The following ACSS1 variants were observed in gnomAD, a reference collection of about 807,000 sequenced individuals.
ACSS1 encodes the protein acyl-CoA synthetase short chain family member 1.
ACSS1 carries 42 observed loss-of-function variants against 75.3 expected under a neutral mutation model. That is an observed-to-expected ratio of 0.56 (90% CI 0.44 to 0.72). The LOEUF (loss-of-function observed/expected upper bound fraction) is 0.72, where lower values mean the gene tolerates loss of function less well. Among genes scored for constraint, ACSS1 ranks in the 30% least tolerant of loss-of-function variants. The probability of loss-of-function intolerance (pLI) is 0.00; values close to 1 mark genes in which losing one functional copy is unlikely to be tolerated. For synonymous variants in ACSS1, 380 were observed against 376.8 expected (o/e 1.01, Z -0.10); for missense variants, 782 against 935.7 (o/e 0.84, Z 2.14).
rs753345922 is a variant in ACSS1 at position 25,020,033 on chromosome 20, G to A, written c.1223C>T (p.Ser408Phe). ...ACCTGACCCCAGGGTCCGCAGGGAG[G>A]AGCGATCATACTTCTTCACCCAGGC... The part of the protein sequence containing the change: ...GDAWVKKYDR[S>F]SLRTLGSVGE... The change falls in exon 7 of 14, where the codon TCC becomes TTC. Residue 408 changes from serine (S) to phenylalanine (F), a missense_variant. Ser to Phe is a radical substitution (Grantham distance 155). Coordinates refer to ENST00000323482, the MANE Select transcript of ACSS1 (RefSeq NM_032501.4). 3 of 1,614,236 alleles carry A rather than the reference G, an allele frequency of 1.9e-6. No homozygotes were observed. In the Admixed American group the frequency reaches 5.0e-5, roughly 27 times the overall value.
Position 25,022,079 on chromosome 20 carries a change from G to A in ACSS1, c.961-543C>T, listed in dbSNP as rs899427812. Among the ~76,000 whole-genome samples, 16 of 152,258 alleles carry A rather than the reference G, an allele frequency of 1.1e-4. No homozygotes were observed. In the East Asian group the frequency reaches 1.4e-3, roughly 13 times the overall value. On this transcript the variant is annotated intron_variant, in intron 5 of 13. Transcript: ENST00000323482. ...ACACATATCAACAATATTTTAGGCCGGACACGGTGGCTCACACCTGTAATT... is the reference window on the plus strand; with the variant it reads ...ACACATATCAACAATATTTTAGGCCAGACACGGTGGCTCACACCTGTAATT...
intron 2 of ACSS1, among the ~76,000 whole-genome samples, chr20:25,039,773 T>C (rs569214907): frequency 6.6e-6 from 1 of 152,252 alleles, no homozygotes; most frequent in Non-Finnish European, 1.5e-5. Flanking sequence ...AGAAGCTCTG[T>C]CCTCATTCCT....
chr20:25,032,740 G>T, intron 2 of ACSS1: 1 of 1,083,640 alleles, frequency 9.2e-7, no homozygotes, highest in Non-Finnish European at 1.1e-6. Flanking sequence ...AGGCCACCCG[G>T]GAAACCACAG....
chr20:25,049,211 G>T (rs73906063), intron 1 of ACSS1, among the ~76,000 whole-genome samples: 5,448 of 152,188 alleles, frequency 0.036, 348 homozygotes, highest in African/African-American at 0.12. Context: ...AAAAATAGAA[G>T]AAAATAAAAA....
intron 2 of ACSS1, among the ~76,000 whole-genome samples, chr20:25,043,614 G>T (rs562794880): frequency 6.6e-6 from 1 of 152,186 alleles, no homozygotes; most frequent in African/African-American, 2.4e-5. Context: ...TGCTTCTCTG[G>T]TCAGGGGTTT....
intron 2 of ACSS1, among the ~76,000 whole-genome samples, chr20:25,038,911 T>A (rs942959150): frequency 6.6e-6 from 1 of 152,152 alleles, no homozygotes; most frequent in Admixed American, 6.5e-5. Flanking sequence ...CCAGCCATGA[T>A]TGCCTGCCAC....
chr20:25,047,989 C>G (rs1028636312), intron 2 of ACSS1, 96 bp downstream of exon 2: 2 of 1,111,014 alleles, frequency 1.8e-6, no homozygotes, highest in African/African-American at 3.1e-5. Flanking sequence ...AATGCACTCC[C>G]TGAGACTCAG....
intron 7 of ACSS1, among the ~76,000 whole-genome samples, chr20:25,016,093 G>A (rs759633843): frequency 2.0e-5 from 3 of 152,154 alleles, no homozygotes; most frequent in Non-Finnish European, 2.9e-5. Flanking sequence ...GCAGAGGAAC[G>A]CCACATTGCA....
intron 2 of ACSS1, among the ~76,000 whole-genome samples, chr20:25,039,952 G>T (rs1009567743): frequency 6.6e-6 from 1 of 152,228 alleles, no homozygotes; most frequent in African/African-American, 2.4e-5. Flanking sequence ...TGGCAGCCCA[G>T]GACAAGAGCA....
At chr20:25,030,333 C>G (rs6037009) in intron 3 of ACSS1, among the ~76,000 whole-genome samples, 1 of 152,226 alleles carries the variant, frequency 6.6e-6, no homozygotes, top group South Asian at 2.1e-4. Flanking sequence ...CCCCCTTCAC[C>G]TGACTCCAGA....
chr20:25,016,080 C>T (rs1287141744), intron 7 of ACSS1, among the ~76,000 whole-genome samples: 2 of 152,178 alleles, frequency 1.3e-5, no homozygotes, highest in African/African-American at 2.4e-5. Flanking sequence ...ATGGCACGCT[C>T]CTGCAGAGGA....
intron 2 of ACSS1, among the ~76,000 whole-genome samples, chr20:25,041,350 A>G (rs1373640940): frequency 6.6e-6 from 1 of 151,998 alleles, no homozygotes; most frequent in Non-Finnish European, 1.5e-5. Flanking sequence ...CCTCCAGGCC[A>G]CACTCCCTCT....
intron 3 of ACSS1, among the ~76,000 whole-genome samples, chr20:25,029,136 T>C (rs371261886): frequency 6.6e-6 from 1 of 152,264 alleles, no homozygotes; most frequent in African/African-American, 2.4e-5. Flanking sequence ...ATATATCTGA[T>C]AGAGGTCTAA....
rs1418842743 is a variant in ACSS1, at chr20:25,015,242, CAGAA to C, written c.1247-16_1247-13del. ...GATGGGCTCTCCCACTGAAACCACA[CAGAA>C]AGAAAAAGATGTTAACAGGCTGCAA... On this transcript the variant is annotated splice_polypyrimidine_tract_variant and intron_variant, in intron 7 of 13. Coordinates refer to ENST00000323482, the MANE Select transcript of ACSS1 (RefSeq NM_032501.4). The C allele has an allele frequency of 1.3e-6, 2 of 1,593,224 alleles. No homozygotes were observed. Among genetic ancestry groups the C allele is most frequent in the East Asian group, 2.3e-5 (1 of 44,418 alleles).
Position 25,023,102 on chromosome 20 carries a change from A to T in ACSS1, c.808-10T>A. Reference sequence around the variant, plus strand: ...CCTCCTTGGCCATTTCCTGGCAGGGAGAAGAAACAAACAGCCCACCGAGGG... The same window carrying T: ...CCTCCTTGGCCATTTCCTGGCAGGGTGAAGAAACAAACAGCCCACCGAGGG... On this transcript the variant is annotated splice_polypyrimidine_tract_variant and intron_variant, in intron 4 of 13. Coordinates refer to ENST00000323482, the MANE Select transcript of ACSS1 (RefSeq NM_032501.4). 1 of 1,608,722 alleles carries T rather than the reference A, an allele frequency of 6.2e-7. No homozygotes were observed. The highest frequency in any genetic ancestry group is 8.5e-7 in the Non-Finnish European group (1 of 1,177,170).
In ACSS1 at chr20:25,009,324, G is replaced by C; in HGVS notation, c.1836C>G (p.Leu612=). The change falls in exon 13 of 14, where the codon CTC becomes CTG. Residue 612 remains leucine (L), a synonymous_variant. Coordinates refer to ENST00000323482, the MANE Select transcript of ACSS1 (RefSeq NM_032501.4). ...AGDSDVVVQE[L]KSMVATKIAK... is the part of the protein sequence containing the mutation. Reference sequence around the variant, plus strand: ...CGATCTTGGTGGCCACCATGGACTTGAGCTCCTGCACCACCACATCTGAGT... The same window carrying C: ...CGATCTTGGTGGCCACCATGGACTTCAGCTCCTGCACCACCACATCTGAGT... 1.9e-6 allele frequency: 3 copies of C among 1,614,176 alleles called. No homozygotes were observed. In the Middle Eastern group the frequency reaches 4.9e-4, roughly 266 times the overall value.
At chr20:25,049,707 G>A (rs1345291080) in intron 1 of ACSS1, among the ~76,000 whole-genome samples, 1 of 152,030 alleles carries the variant, frequency 6.6e-6, no homozygotes, top group Non-Finnish European at 1.5e-5. Flanking sequence ...GACAGCGCCC[G>A]CACCACCAGC....
At position 25,007,804 on chromosome 20, in the gene ACSS1, A is replaced by G. The variant is rs756106561; in HGVS notation, c.2028T>C (p.Ser676=). Reference sequence around the variant, plus strand: ...GCTTGTCCTTGCACTTCTGGTAGACACTCAGGATCTCTGCGATGATGCTGG... The same window carrying G: ...GCTTGTCCTTGCACTTCTGGTAGACGCTCAGGATCTCTGCGATGATGCTGG... ...EDPSIIAEIL[S]VYQKCKDKQA... is the part of the protein sequence containing the mutation. The change falls in exon 14 of 14, where the codon AGT becomes AGC. Residue 676 remains serine (S), a synonymous_variant. Coordinates refer to ENST00000323482, the MANE Select transcript of ACSS1 (RefSeq NM_032501.4). 2.5e-6 allele frequency: 4 copies of G among 1,614,120 alleles called. No homozygotes were observed. The East Asian group carries it at 6.7e-5, about 27-fold the overall frequency.
chr20:25,055,269 T>G (rs2089226247), intron 1 of ACSS1, among the ~76,000 whole-genome samples: 1 of 152,244 alleles, frequency 6.6e-6, no homozygotes, highest in South Asian at 2.1e-4. Context: ...AGGGGTGGTT[T>G]GATGTACATC....
Sources: allele counts gnomAD v4.1 joint callset (sites outside exome capture counted in the v4.1 genomes callset), GRCh38; gene constraint gnomAD v4.1.1; transcripts MANE v1.5; gene names NCBI Gene and HGNC (gene_info 2026-07-23, HGNC 2026-07-21).